Variants in DRC4 observed in about 807,000 individuals in gnomAD.
DRC4 encodes the protein dynein regulatory complex subunit 4, also known as GAS-11.
At chr16:90,028,732 G>A in the DRC4 span, among the ~76,000 whole-genome samples, 1 of 152,190 alleles carries the variant, frequency 6.6e-6, no homozygotes, top group Non-Finnish European at 1.5e-5. Context: ...TCTGGCCTCT[G>A]CCCTCATGGA....
the DRC4 span, among the ~76,000 whole-genome samples, chr16:90,023,837 C>A: frequency 1.3e-5 from 2 of 150,266 alleles, no homozygotes; most frequent in African/African-American, 4.9e-5. Flanking sequence ...ATTAAACATA[C>A]AAAAATTAGC....
chr16:90,031,597 T>C, the DRC4 span: 1 of 1,275,550 alleles, frequency 7.8e-7, no homozygotes, highest in East Asian at 2.5e-5. Context: ...GTTCTTGGCT[T>C]TGGGAGTCAC....
At chr16:90,035,470 C>T in the DRC4 span, among the ~76,000 whole-genome samples, 56 of 152,232 alleles carry the variant, frequency 3.7e-4, no homozygotes, top group African/African-American at 1.3e-3. Context: ...GTGCTCACGA[C>T]GTCTGTTCAT....
chr16:90,033,006 C>A, the DRC4 span: 1 of 1,202,822 alleles, frequency 8.3e-7, no homozygotes, highest in Non-Finnish European at 1.2e-6. Flanking sequence ...GTTTATTCAA[C>A]AGCAACTGGG....
At chr16:90,027,421 A>G in the DRC4 span, among the ~76,000 whole-genome samples, 3 of 152,260 alleles carry the variant, frequency 2.0e-5, no homozygotes, top group Admixed American at 2.0e-4. Flanking sequence ...TCTCCTTCTC[A>G]AAAGGAAGGT....
the DRC4 span, chr16:90,035,615 C>T: frequency 8.7e-6 from 14 of 1,614,112 alleles, no homozygotes; most frequent in East Asian, 3.1e-4. Flanking sequence ...GTAGTAATGG[C>T]CGCTTCTCCC....
chr16:90,025,955 T>A, the DRC4 span, among the ~76,000 whole-genome samples: 12 of 151,946 alleles, frequency 7.9e-5, no homozygotes, highest in Admixed American at 7.2e-4. Flanking sequence ...TTTGTAATTT[T>A]AAAAACGTTA....
the DRC4 span, among the ~76,000 whole-genome samples, chr16:90,025,922 A>G: frequency 6.6e-6 from 1 of 152,084 alleles, no homozygotes; most frequent in African/African-American, 2.4e-5. Flanking sequence ...TTTTTAAAAA[A>G]TAAATAAAAT....
chr16:90,020,618 G>T, the DRC4 span, among the ~76,000 whole-genome samples: 1 of 152,172 alleles, frequency 6.6e-6, no homozygotes, highest in Non-Finnish European at 1.5e-5. Context: ...ATCTGAACTC[G>T]AATTCAATAT....
chr16:90,025,051 C>G, the DRC4 span, among the ~76,000 whole-genome samples: 1 of 148,916 alleles, frequency 6.7e-6, no homozygotes, highest in South Asian at 2.2e-4. Flanking sequence ...GAGTCTTACC[C>G]TGTCACCCAG....
At chr16:90,031,202 C>T in the DRC4 span, 1 of 1,572,172 alleles carries the variant, frequency 6.4e-7, no homozygotes, top group Non-Finnish European at 8.6e-7. Flanking sequence ...GAAGTTGAGT[C>T]CTCCCTCTTT....
chr16:90,041,850 A>G, the DRC4 span, among the ~76,000 whole-genome samples: 3 of 152,116 alleles, frequency 2.0e-5, no homozygotes, highest in Non-Finnish European at 4.4e-5. Context: ...TTTAAGCAAT[A>G]TGTAGGTGGT....
chr16:90,044,553 A>G, the DRC4 span: 3 of 471,192 alleles, frequency 6.4e-6, no homozygotes, highest in East Asian at 6.9e-5. Context: ...AGTAGCCCTC[A>G]GTGTCGAAGG....
the DRC4 span, chr16:90,029,140 A>C: frequency 3.8e-6 from 5 of 1,317,820 alleles, no homozygotes; most frequent in Middle Eastern, 2.1e-4. Flanking sequence ...CATGGAGCCT[A>C]CGGGGCAGCC....
the DRC4 span, chr16:90,022,768 C>G: frequency 7.5e-7 from 1 of 1,334,244 alleles, no homozygotes; most frequent in East Asian, 3.1e-5. Flanking sequence ...GGCAGGGGCC[C>G]GGAGACCTCG....
chr16:90,034,573 G>A, the DRC4 span, among the ~76,000 whole-genome samples: 1 of 152,106 alleles, frequency 6.6e-6, no homozygotes, highest in Admixed American at 6.5e-5. Flanking sequence ...GGTGAGCCGA[G>A]ATTGTGCCAC....
the DRC4 span, chr16:90,037,334 C>T: frequency 2.8e-5 from 45 of 1,613,876 alleles, no homozygotes; most frequent in East Asian, 1.1e-4. Context: ...CCAGAAGGCT[C>T]GGGAGGAGAT....
the DRC4 span, among the ~76,000 whole-genome samples, chr16:90,026,226 G>C: frequency 6.6e-6 from 1 of 152,294 alleles, no homozygotes; most frequent in South Asian, 2.1e-4. Context: ...ACCTGCTTGA[G>C]TGCCCTGTAA....
At chr16:90,035,544 C>T in the DRC4 span, 4 of 1,579,356 alleles carry the variant, frequency 2.5e-6, no homozygotes, top group South Asian at 2.2e-5. Context: ...ATGGAGGTGA[C>T]CAAAACCATG....
Sources: gnomAD v4.1 joint callset for allele counts (sites outside exome capture counted in the v4.1 genomes callset) on GRCh38, gnomAD v4.1.1 for gene constraint, MANE v1.5 for transcripts, NCBI Gene and HGNC (gene_info 2026-07-23, HGNC 2026-07-21) for gene names.